Variants in HRH2 observed in about 807,000 individuals in gnomAD.
HRH2 encodes the protein histamine H2 receptor.
HRH2 carries 4 observed loss-of-function variants against 20.1 expected under a neutral mutation model. The ratio of observed to expected loss-of-function variants is 0.20; its 90% confidence interval spans 0.10 to 0.45. The LOEUF is 0.45. Ranked by LOEUF, HRH2 falls within the 20% of genes least tolerant of loss-of-function variation. HRH2 has a pLI of 0.99. For missense variants in HRH2, 250 were observed against 461.6 expected (o/e 0.54, Z 4.20); for synonymous variants, 197 against 200.7 (o/e 0.98, Z 0.16).
rs957785829 is a variant in HRH2 at position 175,708,662 on chromosome 5, G to T, written c.*691G>T. Reference sequence around the variant, plus strand: ...TGAATGGGTGAATGAATGAGAGAACGGGTGAAAAGCCAGGCCTCAAGCCCA... The same window carrying T: ...TGAATGGGTGAATGAATGAGAGAACTGGTGAAAAGCCAGGCCTCAAGCCCA... On this transcript the variant is annotated 3_prime_UTR_variant, in exon 3 of 3. Transcript: ENST00000636584. The T allele has an allele frequency of 6.6e-6, 1 of 152,286 alleles. No homozygotes were observed. Among genetic ancestry groups the T allele is most frequent in the Non-Finnish European group, 1.5e-5 (1 of 68,122 alleles). The allele number at this position is 152,286 out of a possible 1,614,324, so 9.4% of individuals were successfully genotyped here. A position where few individuals can be genotyped will look rare whatever the true frequency, so the allele number is the denominator to read the frequency against.
chr5:175,674,197 G>C (rs1755674758), intron 1 of HRH2, among the ~76,000 whole-genome samples: 1 of 152,178 alleles, frequency 6.6e-6, no homozygotes, highest in Non-Finnish European at 1.5e-5. Flanking sequence ...CAGTGCCGAG[G>C]CTGGTTTCAT....
At position 175,683,127 on chromosome 5, in the gene HRH2, G is replaced by T; in HGVS notation, c.-107G>T. ...AAAAAAAAAAACTGGACACATTTTG[G>T]ATCTGTTGGGAGCTTGGAGTCCAGT... On this transcript the variant is annotated 5_prime_UTR_variant, in exon 2 of 3. Coordinates refer to ENST00000636584, the MANE Select transcript of HRH2 (RefSeq NM_001367711.1). 8.9e-7 allele frequency: 1 copy of T among 1,121,248 alleles called. No homozygotes were observed. The highest frequency in any genetic ancestry group is 1.2e-6 in the Non-Finnish European group (1 of 802,620). 69.5% of individuals were successfully genotyped at this position (1,121,248 alleles called of 1,614,324 possible). A position where few individuals can be genotyped will look rare whatever the true frequency, so the allele number is the denominator to read the frequency against.
intron 2 of HRH2, among the ~76,000 whole-genome samples, chr5:175,689,921 A>G (rs1561734385): frequency 6.6e-6 from 1 of 152,184 alleles, no homozygotes; most frequent in Non-Finnish European, 1.5e-5. Flanking sequence ...TTGAGGAGCA[A>G]GGCTGACTTT....
intron 1 of HRH2, among the ~76,000 whole-genome samples, chr5:175,669,292 G>A (rs571097176): frequency 7.3e-5 from 11 of 151,692 alleles, no homozygotes; most frequent in African/African-American, 2.7e-4. Flanking sequence ...AATATTTTTT[G>A]TTCGTTCATG....
chr5:175,690,118 G>A (rs1016738099), intron 2 of HRH2, among the ~76,000 whole-genome samples: 2 of 152,188 alleles, frequency 1.3e-5, no homozygotes, highest in African/African-American at 4.8e-5. Context: ...TTTAGCACAT[G>A]GTTTCAGCGT....
intron 2 of HRH2, among the ~76,000 whole-genome samples, chr5:175,689,434 G>A (rs560406306): frequency 2.2e-4 from 34 of 152,214 alleles, no homozygotes; most frequent in Admixed American, 5.2e-4. Context: ...ACCCTAACAC[G>A]TGGCACTGTG....
chr5:175,660,883 T>C (rs1444927770), intron 1 of HRH2, among the ~76,000 whole-genome samples: 1 of 152,194 alleles, frequency 6.6e-6, no homozygotes, highest in African/African-American at 2.4e-5. Context: ...AATTTGGTAA[T>C]ACAGATCTGA....
intron 2 of HRH2, among the ~76,000 whole-genome samples, chr5:175,696,342 C>T (rs904114576): frequency 5.3e-5 from 8 of 152,186 alleles, no homozygotes; most frequent in Admixed American, 3.9e-4. Flanking sequence ...GCAGTGTGGG[C>T]CAACTCTGGG....
chr5:175,683,542 A>C lies in HRH2; in HGVS notation c.309A>C (p.Thr103=). ...IYTSLDVMLC[T]ASILNLFMIS... Reference sequence around the variant, plus strand: ...CCAGCCTGGATGTGATGCTCTGCACAGCCTCCATTCTTAACCTCTTCATGA... The same window carrying C: ...CCAGCCTGGATGTGATGCTCTGCACCGCCTCCATTCTTAACCTCTTCATGA... The change falls in exon 2 of 3, where the codon ACA becomes ACC. Residue 103 remains threonine (T), a synonymous_variant. Coordinates refer to ENST00000636584, the MANE Select transcript of HRH2 (RefSeq NM_001367711.1). The C allele has an allele frequency of 6.2e-7, 1 of 1,614,206 alleles. No homozygotes were observed. The highest frequency in any genetic ancestry group is 8.5e-7 in the Non-Finnish European group (1 of 1,180,036).
At chr5:175,700,249 G>A (rs1157908334) in intron 2 of HRH2, among the ~76,000 whole-genome samples, 1 of 152,212 alleles carries the variant, frequency 6.6e-6, no homozygotes, top group Non-Finnish European at 1.5e-5. Context: ...GAAGGTAGAT[G>A]GTGAAATAAA....
chr5:175,696,446 T>G (rs1756580250), intron 2 of HRH2, among the ~76,000 whole-genome samples: 1 of 152,176 alleles, frequency 6.6e-6, no homozygotes, highest in African/African-American at 2.4e-5. Flanking sequence ...CACAACTCAC[T>G]GTGAGTCCCG....
chr5:175,707,468 T>C (rs2113568934), intron 2 of HRH2, among the ~76,000 whole-genome samples: 1 of 152,256 alleles, frequency 6.6e-6, no homozygotes, highest in Non-Finnish European at 1.5e-5. Context: ...AAATCGTGAA[T>C]TGGATATTTT....
chr5:175,664,798 T>A (rs564099157), intron 1 of HRH2, among the ~76,000 whole-genome samples: 2 of 152,178 alleles, frequency 1.3e-5, no homozygotes, highest in African/African-American at 4.8e-5. Flanking sequence ...CCACCATGCA[T>A]GCTGCTTTAT....
intron 2 of HRH2, among the ~76,000 whole-genome samples, chr5:175,691,678 T>C (rs1756388417): frequency 6.8e-6 from 1 of 147,842 alleles, no homozygotes; most frequent in African/African-American, 2.5e-5. Context: ...AGGTCAGGAG[T>C]TTGAGACCAC....
At chr5:175,662,930 G>T (rs920478609) in intron 1 of HRH2, among the ~76,000 whole-genome samples, 1 of 152,106 alleles carries the variant, frequency 6.6e-6, no homozygotes, top group African/African-American at 2.4e-5. Context: ...TCATACAATA[G>T]GTTTTGTGAC....
chr5:175,688,191 C>T (rs1756239066), intron 2 of HRH2, among the ~76,000 whole-genome samples: 1 of 152,248 alleles, frequency 6.6e-6, no homozygotes, highest in Non-Finnish European at 1.5e-5. Flanking sequence ...ACCCATGCTA[C>T]TCTCGAGCCT....
chr5:175,679,388 C>G (rs961287857), intron 1 of HRH2, among the ~76,000 whole-genome samples: 7 of 152,166 alleles, frequency 4.6e-5, no homozygotes, highest in Non-Finnish European at 7.3e-5. Context: ...GGAGAACCTA[C>G]CTCTGGAAGA....
At chr5:175,700,869 CAG>C (rs1184299866) in intron 2 of HRH2, among the ~76,000 whole-genome samples, 1 of 152,038 alleles carries the variant, frequency 6.6e-6, no homozygotes, top group African/African-American at 2.4e-5. Context: ...GCCTGGGCGA[CAG>C]AGCAAGACTC....
intron 1 of HRH2, among the ~76,000 whole-genome samples, chr5:175,667,424 A>G (rs1762934068): frequency 6.6e-6 from 1 of 151,544 alleles, no homozygotes; most frequent in African/African-American, 2.4e-5. Flanking sequence ...AGCCTGGGTG[A>G]CAAGAGCAAA....
Sources: gnomAD v4.1 joint callset for allele counts (sites outside exome capture counted in the v4.1 genomes callset) on GRCh38, gnomAD v4.1.1 for gene constraint, MANE v1.5 for transcripts, NCBI Gene and HGNC (gene_info 2026-07-23, HGNC 2026-07-21) for gene names.